XRCC4: variants seen among roughly 807,000 people sequenced by gnomAD.
XRCC4 encodes DNA repair protein XRCC4.
In XRCC4, 28 loss-of-function variants were observed where a neutral mutation model predicts 39.1. The observed-to-expected ratio is 0.72, with a 90% CI of 0.53 to 0.98. XRCC4 has a LOEUF of 0.98. Among genes scored for constraint, XRCC4 ranks in the 50% least tolerant of loss-of-function variants. The probability of loss-of-function intolerance (pLI) is 0.00; values close to 1 mark genes in which losing one functional copy is unlikely to be tolerated. For missense variants in XRCC4, 350 were observed against 376.4 expected, an observed-to-expected ratio of 0.93 and a Z score of 0.58; for synonymous variants, 123 against 126.4, an observed-to-expected ratio of 0.97 and a Z score of 0.18.
chr5:83,295,759 T>TAGAACCTCCATG (rs1257214330), intron 7 of XRCC4, among the ~76,000 whole-genome samples: 2 of 151,902 alleles, frequency 1.3e-5, no homozygotes. Flanking sequence ...CACAAGCCTA[T>TAGAACCTCCATG]CTAGCATGGA....
At chr5:83,188,756 T>C (rs542514696) in intron 3 of XRCC4, among the ~76,000 whole-genome samples, 2 of 152,292 alleles carry the variant, frequency 1.3e-5, no homozygotes, top group Admixed American at 6.5e-5. Flanking sequence ...AGCTTATTTT[T>C]AATAATGGAA....
chr5:83,212,848 A>G (rs1322355688), intron 6 of XRCC4, among the ~76,000 whole-genome samples: 1 of 151,428 alleles, frequency 6.6e-6, no homozygotes, highest in African/African-American at 2.4e-5. Context: ...AATCTCTTGA[A>G]CCAGAGAGGT....
At chr5:83,210,564 AC>A (rs1318340172) in intron 6 of XRCC4, among the ~76,000 whole-genome samples, 1 of 152,168 alleles carries the variant, frequency 6.6e-6, no homozygotes, top group African/African-American at 2.4e-5. Context: ...ATAATAATTA[AC>A]CACATTAGCA....
chr5:83,122,915 C>T (rs1312137324), intron 3 of XRCC4, among the ~76,000 whole-genome samples: 1 of 151,924 alleles, frequency 6.6e-6, no homozygotes, highest in African/African-American at 2.4e-5. Context: ...GACTTGAATC[C>T]CTTTAAATTT....
chr5:83,130,061 T>G (rs1043666186), intron 3 of XRCC4, among the ~76,000 whole-genome samples: 2 of 152,186 alleles, frequency 1.3e-5, no homozygotes, highest in African/African-American at 4.8e-5. Flanking sequence ...TCAAAGGGAA[T>G]GCTTCCAGTT....
intron 6 of XRCC4, among the ~76,000 whole-genome samples, chr5:83,240,161 G>C (rs950691274): frequency 2.0e-5 from 3 of 152,102 alleles, no homozygotes; most frequent in African/African-American, 7.2e-5. Context: ...GTGACAGAGT[G>C]AGACCCCGAC....
At position 83,233,777 on chromosome 5, in the gene XRCC4, C is replaced by T. The variant is rs537980580; in HGVS notation, c.746-24753C>T. 1.9e-3 allele frequency among the ~76,000 whole-genome samples: 293 copies of T among 151,224 alleles called. 2 individuals are homozygous for T. The highest frequency in any genetic ancestry group is 6.4e-3 in the African/African-American group (263 of 41,156). ...ATTAGCCAGGCATGGTGGTGCACAC[C>T]TGTAGTCCTAGCTACTCAGGAGGCT... On this transcript the variant is annotated intron_variant, in intron 6 of 7. Coordinates refer to ENST00000396027, the MANE Select transcript of XRCC4 (RefSeq NM_003401.5).
intron 7 of XRCC4, among the ~76,000 whole-genome samples, chr5:83,323,270 G>A (rs1304685836): frequency 6.6e-6 from 1 of 151,982 alleles, no homozygotes; most frequent in Non-Finnish European, 1.5e-5. Context: ...AATTTTCATT[G>A]ATTTTAAATT....
At chr5:83,243,655 C>T (rs1282731256) in intron 6 of XRCC4, among the ~76,000 whole-genome samples, 2 of 152,104 alleles carry the variant, frequency 1.3e-5, no homozygotes, top group Non-Finnish European at 2.9e-5. Flanking sequence ...AAGAGGCACT[C>T]TACAGCATGC....
chr5:83,304,729 A>ATT (rs3836876), intron 7 of XRCC4, among the ~76,000 whole-genome samples: 2 of 151,778 alleles, frequency 1.3e-5, no homozygotes, highest in African/African-American at 2.4e-5. Flanking sequence ...CATGTTATTG[A>ATT]TTTTTTCATA....
At chr5:83,155,110 A>C (rs1040538957) in intron 3 of XRCC4, among the ~76,000 whole-genome samples, 5 of 152,194 alleles carry the variant, frequency 3.3e-5, no homozygotes, top group African/African-American at 1.2e-4. Context: ...TTCAACAAGC[A>C]TATCTAATAT....
intron 3 of XRCC4, among the ~76,000 whole-genome samples, chr5:83,164,539 G>A (rs981908432): frequency 6.6e-6 from 1 of 152,076 alleles, no homozygotes; most frequent in Non-Finnish European, 1.5e-5. Flanking sequence ...TAATAATAGT[G>A]TATTGTGTAC....
At chr5:83,348,962 C>T (rs1012114280) in intron 7 of XRCC4, among the ~76,000 whole-genome samples, 3 of 151,888 alleles carry the variant, frequency 2.0e-5, no homozygotes, top group African/African-American at 7.3e-5. Flanking sequence ...CCAATAACTT[C>T]CTTATCTCCA....
chr5:83,362,163 C>A, the XRCC4 span, among the ~76,000 whole-genome samples: 1 of 151,904 alleles, frequency 6.6e-6, no homozygotes, highest in African/African-American at 2.4e-5. Context: ...CCAGGCAAAG[C>A]AAGACCTGAT....
At chr5:83,266,656 T>C (rs1753965284) in intron 7 of XRCC4, among the ~76,000 whole-genome samples, 1 of 152,262 alleles carries the variant, frequency 6.6e-6, no homozygotes, top group Non-Finnish European at 1.5e-5. Context: ...AAAAATACTT[T>C]TAGTAAAATT....
intron 6 of XRCC4, among the ~76,000 whole-genome samples, chr5:83,252,652 A>G (rs1753368999): frequency 6.6e-6 from 1 of 152,102 alleles, no homozygotes; most frequent in South Asian, 2.1e-4. Flanking sequence ...TATTTACTCT[A>G]TTTTGTCATC....
the XRCC4 span, among the ~76,000 whole-genome samples, chr5:83,362,316 A>AAC: frequency 1.4e-5 from 2 of 146,046 alleles, no homozygotes; most frequent in African/African-American, 5.5e-5. Flanking sequence ...AAAAAAAAAA[A>AAC]AACTATCTCA....
At chr5:83,125,025 A>T (rs916331115) in intron 3 of XRCC4, among the ~76,000 whole-genome samples, 1 of 152,202 alleles carries the variant, frequency 6.6e-6, no homozygotes, top group African/African-American at 2.4e-5. Context: ...GCCTTTAGCC[A>T]TTCTAATAGG....
At chr5:83,277,135 A>G (rs1196159348) in intron 7 of XRCC4, among the ~76,000 whole-genome samples, 2 of 152,240 alleles carry the variant, frequency 1.3e-5, no homozygotes, top group East Asian at 3.8e-4. Context: ...CTGATTTCAT[A>G]GTTTAGTCAG....
Sources: allele counts gnomAD v4.1 joint callset (sites outside exome capture counted in the v4.1 genomes callset), GRCh38; gene constraint gnomAD v4.1.1; transcripts MANE v1.5; gene names NCBI Gene and HGNC (gene_info 2026-07-23, HGNC 2026-07-21).